The following RBFOX1 variants were observed in gnomAD, a reference collection of about 807,000 sequenced individuals.
The protein encoded by RBFOX1 is RNA binding protein fox-1 homolog 1.
Under a neutral mutation model 57.7 loss-of-function variants are expected in RBFOX1, and 8 were observed. The observed-to-expected ratio is 0.14, with a 90% CI of 0.08 to 0.25. RBFOX1 has a LOEUF of 0.25. Among genes scored for constraint, RBFOX1 ranks in the 10% least tolerant of loss-of-function variants. The probability of loss-of-function intolerance (pLI) is 1.00; values close to 1 mark genes in which losing one functional copy is unlikely to be tolerated. For synonymous variants in RBFOX1, 326 were observed against 222.4 expected, an observed-to-expected ratio of 1.47 and a Z score of -4.15; for missense variants, 611 against 548.5, an observed-to-expected ratio of 1.11 and a Z score of -1.14.
intron 1 of RBFOX1, among the ~76,000 whole-genome samples, chr16:5,246,737 C>G (rs1384852032): frequency 1.3e-5 from 2 of 150,338 alleles, no homozygotes; most frequent in Non-Finnish European, 3.0e-5. Flanking sequence ...GGGGTGTGAT[C>G]TTGGCTGACT....
At chr16:5,984,955 TATATATA>T (rs1320207600) in intron 4 of RBFOX1, among the ~76,000 whole-genome samples, 2 of 44,876 alleles carry the variant, frequency 4.5e-5, no homozygotes, top group African/African-American at 2.1e-4. Context: ...ATTATATATA[TATATATA>T]TATATATATA....
At chr16:7,407,204 A>C (rs2098358289) in intron 4 of RBFOX1, among the ~76,000 whole-genome samples, 1 of 152,192 alleles carries the variant, frequency 6.6e-6, no homozygotes, top group African/African-American at 2.4e-5. Context: ...TCTTTGAATC[A>C]CATCCATAAA....
At chr16:6,560,380 G>A (rs549959031) in intron 2 of RBFOX1, among the ~76,000 whole-genome samples, 102 of 32,968 alleles carry the variant, frequency 3.1e-3, no homozygotes, top group African/African-American at 3.2e-3. Flanking sequence ...ATGAGGAGGA[G>A]AGGGCCAGTG....
chr16:6,676,131 C>G (rs1250790548), intron 3 of RBFOX1, among the ~76,000 whole-genome samples: 2 of 20,896 alleles, frequency 9.6e-5, no homozygotes, highest in Admixed American at 9.5e-4. Context: ...CTAGGGGACA[C>G]ACACACACGC....
At chr16:7,453,826 A>T (rs76211373) in intron 4 of RBFOX1, among the ~76,000 whole-genome samples, 4,595 of 152,282 alleles carry the variant, frequency 0.03, 95 homozygotes, top group Middle Eastern at 0.048. Flanking sequence ...TTCAGCCTTA[A>T]GATGGCATTC....
At chr16:5,872,630 G>A (rs1399662738) in intron 4 of RBFOX1, among the ~76,000 whole-genome samples, 1 of 152,102 alleles carries the variant, frequency 6.6e-6, no homozygotes, top group Non-Finnish European at 1.5e-5. Flanking sequence ...CAGCTACTCA[G>A]GAGGCTGAGG....
chr16:6,930,049 C>G (rs576474251), intron 3 of RBFOX1, among the ~76,000 whole-genome samples: 1 of 152,312 alleles, frequency 6.6e-6, no homozygotes, highest in South Asian at 2.1e-4. Flanking sequence ...TATCCCCTCT[C>G]TCCCATAGCA....
chr16:6,685,530 C>G (rs79354307), intron 3 of RBFOX1, among the ~76,000 whole-genome samples: 1 of 150,452 alleles, frequency 6.6e-6, no homozygotes, highest in South Asian at 2.1e-4. Flanking sequence ...TCCGGTGATC[C>G]GCGTTCCTCA....
chr16:7,140,595 G>C (rs1436399562), intron 4 of RBFOX1, among the ~76,000 whole-genome samples: 1 of 152,062 alleles, frequency 6.6e-6, no homozygotes, highest in Admixed American at 6.6e-5. Context: ...TTTTTTTAAA[G>C]GAATGAATAA....
intron 2 of RBFOX1, among the ~76,000 whole-genome samples, chr16:6,480,776 G>T (rs767928503): frequency 6.6e-6 from 1 of 152,056 alleles, no homozygotes; most frequent in African/African-American, 2.4e-5. Flanking sequence ...AGAAATATTT[G>T]TATATATATT....
chr16:6,355,175 T>G (rs1373241622), intron 2 of RBFOX1, among the ~76,000 whole-genome samples: 2 of 152,226 alleles, frequency 1.3e-5, no homozygotes, highest in Non-Finnish European at 2.9e-5. Flanking sequence ...GGGGTACATG[T>G]GCAGAACGTG....
chr16:7,269,389 A>C (rs2095261456), intron 4 of RBFOX1, among the ~76,000 whole-genome samples: 1 of 152,052 alleles, frequency 6.6e-6, no homozygotes, highest in Non-Finnish European at 1.5e-5. Context: ...ATCACCCCCA[A>C]ATAATCACTT....
intron 9 of RBFOX1, among the ~76,000 whole-genome samples, chr16:7,606,532 T>C (rs2095293002): frequency 6.6e-6 from 1 of 152,242 alleles, no homozygotes; most frequent in Admixed American, 6.5e-5. Flanking sequence ...CCAGCATATA[T>C]GTAATGTGCT....
intron 2 of RBFOX1, among the ~76,000 whole-genome samples, chr16:5,552,211 T>C (rs1424624277): frequency 2.0e-5 from 3 of 152,188 alleles, no homozygotes; most frequent in Admixed American, 6.5e-5. Context: ...TGCTTGGTGA[T>C]TCCCAGCCCT....
At chr16:5,490,972 A>G (rs924773903) in intron 2 of RBFOX1, among the ~76,000 whole-genome samples, 2 of 151,468 alleles carry the variant, frequency 1.3e-5, no homozygotes, top group Non-Finnish European at 2.9e-5. Context: ...ATTTATTTAT[A>G]TATTTTTTTC....
chr16:7,011,401 G>A (rs1303019898), intron 3 of RBFOX1, among the ~76,000 whole-genome samples: 3 of 152,178 alleles, frequency 2.0e-5, no homozygotes, highest in Non-Finnish European at 2.9e-5. Context: ...GAAACCAGGC[G>A]GGCTGTTTGT....
intron 1 of RBFOX1, among the ~76,000 whole-genome samples, chr16:6,273,087 C>T (rs1025519337): frequency 1.3e-5 from 2 of 151,784 alleles, no homozygotes; most frequent in East Asian, 2.0e-4. Context: ...TGGTGAAACC[C>T]CTTCTCTACT....
intron 4 of RBFOX1, among the ~76,000 whole-genome samples, chr16:7,434,303 C>G (rs546024691): frequency 1.6e-4 from 25 of 152,098 alleles, no homozygotes; most frequent in Non-Finnish European, 2.9e-4. Flanking sequence ...AACCCCGTCT[C>G]TACTAAAAAT....
chr16:5,582,556 T>C (rs1183113425), intron 2 of RBFOX1, among the ~76,000 whole-genome samples: 2 of 146,900 alleles, frequency 1.4e-5, no homozygotes, highest in East Asian at 4.0e-4. Context: ...ACTTTTTTTT[T>C]TTTTTTTTTT....
Sources: allele counts gnomAD v4.1 joint callset (sites outside exome capture counted in the v4.1 genomes callset), GRCh38; gene constraint gnomAD v4.1.1; transcripts MANE v1.5; gene names NCBI Gene and HGNC (gene_info 2026-07-23, HGNC 2026-07-21).